Variants in RP1 observed in about 807,000 individuals in gnomAD.
The protein encoded by RP1 is RP1 axonemal microtubule associated.
In RP1, 16 loss-of-function variants were observed where a neutral mutation model predicts 14.8. The observed-to-expected ratio is 1.08, with a 90% CI of 0.73 to 1.65. RP1 has a LOEUF of 1.65. Among genes scored for constraint, RP1 ranks in the 40% most tolerant of loss-of-function variants. The pLI, the probability that RP1 is intolerant of heterozygous loss-of-function variation, is 0.00. For missense variants in RP1, 2,631 were observed against 2,535.0 expected, an observed-to-expected ratio of 1.04 and a Z score of -0.81; for synonymous variants, 876 against 883.6, an observed-to-expected ratio of 0.99 and a Z score of 0.15.
In RP1 at chr8:54,627,606, A is replaced by G. The variant is rs1806106106; in HGVS notation, c.3724A>G (p.Ser1242Gly). 1 of 1,614,220 alleles carries G rather than the reference A, an allele frequency of 6.2e-7. No individual in the cohort carries two copies. The highest frequency in any genetic ancestry group is 1.7e-5 in the Admixed American group (1 of 60,034). The change falls in exon 4 of 4, where the codon AGT becomes GGT. Residue 1242 changes from serine (S) to glycine (G), a missense_variant. Coordinates refer to ENST00000220676, the MANE Select transcript of RP1 (RefSeq NM_006269.2). ...ISSLDGGCSA[S>G]EACAPEVCVL... ...CTCTTTGGATGGAGGTTGCTCTGCC[A>G]GTGAGGCATGTGCCCCTGAAGTCTG...
In RP1 at chr8:54,627,649, G is replaced by T. The variant is rs1335511558; in HGVS notation, c.3767G>T (p.Cys1256Phe). The change falls in exon 4 of 4, where the codon TGC (cysteine) becomes TTC (phenylalanine). Residue 1256 changes from cysteine to phenylalanine, a missense_variant. Physicochemically the swap from Cys to Phe is radical, Grantham distance 205. Coordinates refer to ENST00000220676, the MANE Select transcript of RP1 (RefSeq NM_006269.2). Reference protein sequence around the residue: ...APEVCVLEVTCSPCEMCTVNK... With the variant: ...APEVCVLEVTFSPCEMCTVNK... Reference sequence around the variant, plus strand: ...GAAGTCTGTGTTTTGGAAGTGACTTGCTCTCCATGTGAGATGTGCACTGTA... The same window carrying T: ...GAAGTCTGTGTTTTGGAAGTGACTTTCTCTCCATGTGAGATGTGCACTGTA... 6.2e-7 allele frequency: 1 copy of T among 1,614,188 alleles called. No individual in the cohort carries two copies. Among genetic ancestry groups the T allele is most frequent in the Non-Finnish European group, 8.5e-7 (1 of 1,179,988 alleles).
rs1563367149 is a variant in RP1, at chr8:54,755,714, T to TCTGG, written c.3039_3042dup (p.Leu1015TrpfsTer9). 6.5e-7 allele frequency: 1 copy of TCTGG among 1,535,502 alleles called. No individual in the cohort carries two copies. The highest frequency in any genetic ancestry group is 8.7e-7 in the Non-Finnish European group (1 of 1,146,616). On this transcript the variant is annotated frameshift_variant, in exon 21 of 23. Coordinates refer to the RP1 transcript ENST00000636932. LOFTEE classifies it high-confidence loss of function. ...CTGTCTCTTTGGGGAGAGGGGAGAC[T>TCTGG]CTGGCCTCAGACAGCTGTACAAATC...
chr8:54,738,198 A>G (rs757399255), intron 18 of RP1, among the ~76,000 whole-genome samples: 13 of 152,354 alleles, frequency 8.5e-5, no homozygotes, highest in African/African-American at 3.1e-4. Context: ...TGCAGAAAGC[A>G]TTATGTGACC....
upstream of RP1, among the ~76,000 whole-genome samples, chr8:54,611,322 A>G (rs1167430946): frequency 1.3e-5 from 2 of 152,002 alleles, no homozygotes; most frequent in African/African-American, 4.8e-5. Flanking sequence ...GAACTCCCAT[A>G]ATGTGTATGT....
chr8:54,642,202 T>C (rs1286645880), intron 3 of RP1, among the ~76,000 whole-genome samples: 1 of 152,016 alleles, frequency 6.6e-6, no homozygotes, highest in African/African-American at 2.4e-5. Flanking sequence ...AATCACAAGG[T>C]GAAAACATTT....
intron 26 of RP1, chr8:54,856,991 T>C (rs76542706): frequency 0.025 from 16,513 of 666,298 alleles, 241 homozygotes; most frequent in South Asian, 0.037. Context: ...AAAGGAAATA[T>C]CCTAATGGTC....
In RP1 at chr8:54,844,487, T is replaced by A. The variant is rs147509508; in HGVS notation, c.3835+6818T>A. The stretch of plus-strand genomic sequence containing the variant: ...GGTTGTGGAGTCCTCTGTGTGTGCG[T>A]GTGTAGACATGCTTGTCTCTGTGTG... On this transcript the variant is annotated intron_variant, in intron 25 of 28. Transcript: ENST00000637698. Among the ~76,000 whole-genome samples, 3 of 152,048 alleles carry A rather than the reference T, an allele frequency of 2.0e-5. No homozygotes were observed. The East Asian group carries it at 5.8e-4, about 30-fold the overall frequency.
chr8:54,801,800 A>T (rs1199348652), intron 24 of RP1, among the ~76,000 whole-genome samples: 1 of 152,190 alleles, frequency 6.6e-6, no homozygotes, highest in Non-Finnish European at 1.5e-5. Context: ...CCAGGTGAGC[A>T]CATGCTTAGG....
At chr8:54,595,863 C>G (rs749326782) in intron 1 of RP1, among the ~76,000 whole-genome samples, 7 of 152,190 alleles carry the variant, frequency 4.6e-5, no homozygotes, top group Non-Finnish European at 7.4e-5. Flanking sequence ...TTCAAACACT[C>G]TGGAAGACTT....
intron 9 of RP1, among the ~76,000 whole-genome samples, chr8:54,678,948 T>G (rs1025912440): frequency 6.6e-6 from 1 of 152,164 alleles, no homozygotes; most frequent in Non-Finnish European, 1.5e-5. Context: ...ACCTTGATTT[T>G]TGAGTTATTT....
At chr8:54,782,160 A>C (rs1810204324) in intron 23 of RP1, among the ~76,000 whole-genome samples, 1 of 152,156 alleles carries the variant, frequency 6.6e-6, no homozygotes, top group Non-Finnish European at 1.5e-5. Flanking sequence ...TTAGTTTTAG[A>C]TTTGCATGTT....
chr8:54,664,361 G>A (rs1473613317), intron 7 of RP1, among the ~76,000 whole-genome samples: 1 of 152,108 alleles, frequency 6.6e-6, no homozygotes, highest in Admixed American at 6.6e-5. Flanking sequence ...GTACATAGGG[G>A]TGCAGATATC....
In RP1 at chr8:54,806,878, C is replaced by T. The variant is rs1482301015; in HGVS notation, c.3615+23168C>T. On this transcript the variant is annotated intron_variant, in intron 24 of 28. Coordinates refer to the RP1 transcript ENST00000637698. ...ATACCATTGTTAAGGTTACCAAATG[C>T]TAACTATGTTGTCCCCAAAATAAGC... 2.0e-5 allele frequency among the ~76,000 whole-genome samples: 3 copies of T among 152,136 alleles called. No individual in the cohort carries two copies. The East Asian group carries it at 5.8e-4, about 29-fold the overall frequency.
chr8:54,621,965 TATTTTGTATACACC>T (rs1174370506), intron 2 of RP1, 138 bp from the exon 3 acceptor site: 2 of 821,896 alleles, frequency 2.4e-6, no homozygotes, highest in East Asian at 5.3e-5. Context: ...TATTTCCGCT[TATTTTGTATACACC>T]ATTGGTGCCT....
At position 54,830,791 on chromosome 8, in the gene RP1, C is replaced by G. The variant is rs572023356; in HGVS notation, c.3616-6659C>G. The stretch of plus-strand genomic sequence containing the variant: ...AGTGGTTCATGTTATGCAGCCACTA[C>G]CCTGTCTAGTTCCAAAACATTTTCA... On this transcript the variant is annotated intron_variant, in intron 24 of 28. Coordinates refer to the RP1 transcript ENST00000637698. Among the ~76,000 whole-genome samples the G allele has an allele frequency of 2.0e-5, 3 of 152,202 alleles. No individual in the cohort carries two copies. In the East Asian group the frequency reaches 5.8e-4, roughly 29 times the overall value.
chr8:54,602,249 A>G (rs1805310328), intron 1 of RP1, among the ~76,000 whole-genome samples: 1 of 151,394 alleles, frequency 6.6e-6, no homozygotes, highest in Non-Finnish European at 1.5e-5. Flanking sequence ...ATGTGTTCTC[A>G]TTGTTCAATT....
At chr8:54,726,827 A>T (rs1267817135) in intron 17 of RP1, among the ~76,000 whole-genome samples, 1 of 147,544 alleles carries the variant, frequency 6.8e-6, no homozygotes, top group Non-Finnish European at 1.5e-5. Flanking sequence ...AGCAATGAAA[A>T]AAATAATTTC....
At chr8:54,645,628 G>C (rs1208770262) in intron 3 of RP1, among the ~76,000 whole-genome samples, 1 of 152,074 alleles carries the variant, frequency 6.6e-6, no homozygotes, top group Non-Finnish European at 1.5e-5. Context: ...TTTCATTGAT[G>C]TTTTTGGGGG....
At chr8:54,717,770 G>A (rs1367094212) in intron 15 of RP1, among the ~76,000 whole-genome samples, 1 of 152,070 alleles carries the variant, frequency 6.6e-6, no homozygotes, top group African/African-American at 2.4e-5. Context: ...GAAACAAAAT[G>A]TATACAGATT....
Sources: gnomAD v4.1 joint callset for allele counts (sites outside exome capture counted in the v4.1 genomes callset) on GRCh38, gnomAD v4.1.1 for gene constraint, MANE v1.5 for transcripts, NCBI Gene and HGNC (gene_info 2026-07-23, HGNC 2026-07-21) for gene names.